The following CIT variants were observed in gnomAD, a reference collection of about 807,000 sequenced individuals.
CIT encodes citron Rho-interacting kinase.
In CIT, 79 loss-of-function variants were observed where a neutral mutation model predicts 272.7. The ratio of observed to expected loss-of-function variants is 0.29; its 90% CI spans 0.24 to 0.35. CIT has a LOEUF of 0.35. CIT is among the 10% of genes least tolerant of loss of function. The pLI, the probability that CIT is intolerant of heterozygous loss-of-function variation, is 1.00. For synonymous variants in CIT, 948 were observed against 995.6 expected, an observed-to-expected ratio of 0.95 and a Z score of 0.90; for missense variants, 1,909 against 2,618.3, an observed-to-expected ratio of 0.73 and a Z score of 5.91.
Position 119,857,640 on chromosome 12 carries a change from G to C in CIT, c.297C>G (p.Val99=). 6.2e-7 allele frequency: 1 copy of C among 1,614,074 alleles called. No individual in the cohort carries two copies. The highest frequency in any genetic ancestry group is 8.5e-7 in the Non-Finnish European group (1 of 1,180,026). Residue 99 remains valine, a synonymous_variant, in exon 4 of 48, where the codon GTC becomes GTG. Coordinates refer to ENST00000392521, the MANE Select transcript of CIT (RefSeq NM_001206999.2). ...AGTGACCACAACCTACAAGACTTCT[G>C]ACTTCGAAGTCCTTTGCCGAAGGCT... ...ELQPSAKDFE[V]RSLVGCGHFA...
intron 37 of CIT, among the ~76,000 whole-genome samples, chr12:119,711,870 T>C (rs938636018): frequency 1.3e-5 from 2 of 152,202 alleles, no homozygotes; most frequent in African/African-American, 4.8e-5. Context: ...TTGCCCAGTC[T>C]GGTTTCAAAC....
At chr12:119,779,180 A>G (rs1566031147) in intron 13 of CIT, among the ~76,000 whole-genome samples, 1 of 152,094 alleles carries the variant, frequency 6.6e-6, no homozygotes, top group Non-Finnish European at 1.5e-5. Context: ...AGATTACACC[A>G]CTGCCCTCCA....
intron 2 of CIT, among the ~76,000 whole-genome samples, chr12:119,870,371 T>TGAAACC (rs1285581111): frequency 6.6e-6 from 1 of 151,564 alleles, no homozygotes; most frequent in African/African-American, 2.4e-5. Context: ...GCCAACATGG[T>TGAAACC]GAAACCCTGT....
At chr12:119,857,911 A>G (rs542454180) in intron 3 of CIT, among the ~76,000 whole-genome samples, 2 of 152,352 alleles carry the variant, frequency 1.3e-5, no homozygotes, top group East Asian at 3.9e-4. Flanking sequence ...ATTCCAAAGT[A>G]CAGTTTCCAT....
Position 119,864,058 on chromosome 12 carries a change from CCAAA to C in CIT, c.238+4998_238+5001del, listed in dbSNP as rs1950445931. Among the ~76,000 whole-genome samples, 4 of 151,794 alleles carry C rather than the reference CCAAA, an allele frequency of 2.6e-5. No individual in the cohort carries two copies. In the South Asian group the frequency reaches 6.2e-4, roughly 24 times the overall value. On this transcript the variant is annotated intron_variant, in intron 3 of 47. Transcript: ENST00000392521. ...AGTCTAAGGTATCTATTATCGCAGCCCAAACAGACTCAGATGCACGTTTAACCTT... is the reference window on the plus strand; with the variant it reads ...AGTCTAAGGTATCTATTATCGCAGCCCAGACTCAGATGCACGTTTAACCTT...
At chr12:119,708,598 G>A (rs1956996601) in intron 39 of CIT, among the ~76,000 whole-genome samples, 2 of 151,950 alleles carry the variant, frequency 1.3e-5, no homozygotes, top group African/African-American at 4.8e-5. Context: ...CAATTCTCCT[G>A]CCTCAGCCTC....
chr12:119,766,459 A>G (rs1452978061), intron 19 of CIT, among the ~76,000 whole-genome samples: 1 of 152,176 alleles, frequency 6.6e-6, no homozygotes, highest in Non-Finnish European at 1.5e-5. Context: ...CATAGAGTAT[A>G]GAAGGATGGT....
intron 10 of CIT, among the ~76,000 whole-genome samples, chr12:119,790,693 T>C (rs1215350829): frequency 6.6e-6 from 1 of 152,056 alleles, no homozygotes; most frequent in Admixed American, 6.5e-5. Context: ...AGTTTGGCAA[T>C]GTCTAGACAT....
At chr12:119,839,919 A>T (rs1969290496) in intron 5 of CIT, among the ~76,000 whole-genome samples, 1 of 152,238 alleles carries the variant, frequency 6.6e-6, no homozygotes, top group Admixed American at 6.5e-5. Context: ...GGACAAAAGG[A>T]AGAAGCTATA....
chr12:119,875,649 A>G (rs1039267010), intron 2 of CIT, among the ~76,000 whole-genome samples: 1 of 152,172 alleles, frequency 6.6e-6, no homozygotes, highest in Non-Finnish European at 1.5e-5. Flanking sequence ...TGTTTCAAAC[A>G]AAACAAAACA....
intron 9 of CIT, among the ~76,000 whole-genome samples, chr12:119,807,817 C>T (rs1442212314): frequency 1.3e-5 from 2 of 151,890 alleles, no homozygotes; most frequent in Non-Finnish European, 2.9e-5. Context: ...CCAGCTGCCA[C>T]ATACCCACCA....
intron 2 of CIT, among the ~76,000 whole-genome samples, chr12:119,875,589 A>T (rs912227565): frequency 6.6e-6 from 1 of 151,172 alleles, no homozygotes; most frequent in East Asian, 2.0e-4. Context: ...ACAAAAAATT[A>T]AAAAATTAGC....
chr12:119,852,214 C>T (rs1970264480), intron 4 of CIT, among the ~76,000 whole-genome samples: 1 of 152,024 alleles, frequency 6.6e-6, no homozygotes, highest in African/African-American at 2.4e-5. Flanking sequence ...TGAGATATTC[C>T]GGCCAAAGAC....
chr12:119,700,817 C>T lies in CIT; in HGVS notation c.5551G>A (p.Val1851Met), dbSNP rs1956518683. ...EYLLCFHEFGVFVDSYGRRSR... is the reference protein window; with the variant it reads ...EYLLCFHEFGMFVDSYGRRSR... Reference sequence around the variant, plus strand: ...CGTCTTCCGTAAGAATCCACGAACACTCCAAATTCTGCAAGGTGTCAAGAG... The same window carrying T: ...CGTCTTCCGTAAGAATCCACGAACATTCCAAATTCTGCAAGGTGTCAAGAG... The change falls in exon 44 of 48, where the codon GTG becomes ATG. Residue 1851 changes from valine (V) to methionine (M), a missense_variant. Val to Met is a conservative substitution (Grantham distance 21). Around this residue, in one of 8 missense-constraint regions of CIT, gnomAD observed 780 missense variants for 1,067.2 expected, o/e 0.73. Transcript: ENST00000392521. 6.2e-7 allele frequency: 1 copy of T among 1,613,672 alleles called. No homozygotes were observed. The highest frequency in any genetic ancestry group is 1.7e-5 in the Admixed American group (1 of 59,970).
intron 10 of CIT, among the ~76,000 whole-genome samples, chr12:119,798,004 C>CA (rs1276380477): frequency 6.6e-6 from 1 of 152,194 alleles, no homozygotes; most frequent in African/African-American, 2.4e-5. Context: ...AAGGTCAGTG[C>CA]AGTTTCCTCT....
chr12:119,825,304 T>A lies in CIT; in HGVS notation c.818A>T (p.Asn273Ile). 6.2e-7 allele frequency: 1 copy of A among 1,614,128 alleles called. No individual in the cohort carries two copies. The highest frequency in any genetic ancestry group is 8.5e-7 in the Non-Finnish European group (1 of 1,180,016). The part of the protein sequence containing the change: ...YMAPEVLTVM[N>I]GDGKGTYGLD... ...GCCGTAGGTGCCTTTTCCATCCCCG[T>A]TCATCACAGTCAGCACTTCAGGAGC... Residue 273 changes from asparagine to isoleucine, a missense_variant, in exon 8 of 48, where the codon AAC becomes ATC. Physicochemically the swap from Asn to Ile is moderately radical, Grantham distance 149. Transcript: ENST00000392521.
chr12:119,847,264 G>A (rs1593940769), intron 5 of CIT, among the ~76,000 whole-genome samples: 1 of 152,312 alleles, frequency 6.6e-6, no homozygotes, highest in East Asian at 1.9e-4. Context: ...GATTACAGGT[G>A]TAAGCCACCA....
chr12:119,875,941 T>C (rs1458917000), intron 2 of CIT, 132 bp downstream of exon 2: 5 of 581,784 alleles, frequency 8.6e-6, no homozygotes, highest in Middle Eastern at 2.9e-4. Flanking sequence ...TGAGCTGAGA[T>C]TGCACCACTG....
intron 10 of CIT, among the ~76,000 whole-genome samples, chr12:119,786,832 A>G (rs996989534): frequency 4.6e-5 from 7 of 152,286 alleles, no homozygotes; most frequent in African/African-American, 1.4e-4. Flanking sequence ...CCTCTGTTCA[A>G]AATCTCAGGC....
Sources: gnomAD v4.1 joint callset for allele counts (sites outside exome capture counted in the v4.1 genomes callset) on GRCh38, gnomAD v4.1.1 for gene constraint, gnomAD v4.1.1 regional missense constraint, MANE v1.5 for transcripts, NCBI Gene and HGNC (gene_info 2026-07-23, HGNC 2026-07-21) for gene names.